The following BCO2 variants were observed in gnomAD, a reference collection of about 807,000 sequenced individuals.
BCO2 encodes beta-carotene oxygenase 2.
BCO2 carries 56 observed loss-of-function variants against 65.8 expected under a neutral mutation model. The ratio of observed to expected loss-of-function variants is 0.85; its 90% CI spans 0.69 to 1.06. BCO2 has a LOEUF of 1.06. Among genes scored for constraint, BCO2 ranks in the 50% least tolerant of loss-of-function variants. The pLI, the probability that BCO2 is intolerant of heterozygous loss-of-function variation, is 0.00. For synonymous variants in BCO2, 233 were observed against 242.3 expected (o/e 0.96, Z 0.36); for missense variants, 675 against 698.5 (o/e 0.97, Z 0.38).
In BCO2 at chr11:112,216,119, A is replaced by G; in HGVS notation, c.1516-101A>G. ...GAGCTTTGGAGGGGACACACATCCA[A>G]ACTACATCACAGCCAAATTCATGCT... On this transcript the variant is annotated intron_variant, in intron 10 of 11. Transcript: ENST00000357685. 9 of 794,708 alleles carry G rather than the reference A, an allele frequency of 1.1e-5. No individual in the cohort carries two copies. In the South Asian group the frequency reaches 1.4e-4, roughly 12 times the overall value. The allele number at this position is 794,708 out of a possible 1,614,324, so 49.2% of individuals were successfully genotyped here. A position where few individuals can be genotyped will look rare whatever the true frequency, so the allele number is the denominator to read the frequency against.
At chr11:112,187,469 C>G (rs1431365850) in intron 2 of BCO2, among the ~76,000 whole-genome samples, 1 of 151,294 alleles carries the variant, frequency 6.6e-6, no homozygotes, top group Non-Finnish European at 1.5e-5. Flanking sequence ...TGCCAGGAAT[C>G]TTTAGCAGTC....
At chr11:112,211,919 T>C (rs1341220516) in intron 8 of BCO2, among the ~76,000 whole-genome samples, 5 of 152,226 alleles carry the variant, frequency 3.3e-5, no homozygotes, top group African/African-American at 1.2e-4. Flanking sequence ...ATCCATATAA[T>C]GTAATCTACC....
intron 2 of BCO2, among the ~76,000 whole-genome samples, chr11:112,184,781 C>T (rs1440519892): frequency 6.6e-6 from 1 of 151,944 alleles, no homozygotes; most frequent in Non-Finnish European, 1.5e-5. Context: ...CTACCAATGA[C>T]CTGGTGTCCT....
rs370633203 is a variant in BCO2 at position 112,179,487 on chromosome 11, G to A, written c.293+5G>A. 6.2e-7 allele frequency: 1 copy of A among 1,612,920 alleles called. No individual in the cohort carries two copies. Among genetic ancestry groups the A allele is most frequent in the African/African-American group, 1.3e-5 (1 of 74,860 alleles). On this transcript the variant is annotated splice_donor_5th_base_variant and intron_variant, in intron 2 of 11. Transcript: ENST00000357685. ...ATTCGAGTTTGGGAAGGATAAGTAAGCCTTGATTTTGGAGAACAACTTGGA... is the reference window on the plus strand; with the variant it reads ...ATTCGAGTTTGGGAAGGATAAGTAAACCTTGATTTTGGAGAACAACTTGGA...
At chr11:112,202,630 A>G (rs1867764744) in intron 8 of BCO2, among the ~76,000 whole-genome samples, 1 of 152,196 alleles carries the variant, frequency 6.6e-6, no homozygotes, top group African/African-American at 2.4e-5. Flanking sequence ...AATGAGAGAG[A>G]GTAGTTTTAA....
At chr11:112,184,556 G>A (rs1018442122) in intron 2 of BCO2, among the ~76,000 whole-genome samples, 6 of 152,034 alleles carry the variant, frequency 3.9e-5, no homozygotes, top group African/African-American at 7.2e-5. Context: ...CCTGGCCTGG[G>A]AATGAGGAAT....
chr11:112,207,254 T>A (rs889948995), intron 8 of BCO2, among the ~76,000 whole-genome samples: 1 of 152,232 alleles, frequency 6.6e-6, no homozygotes, highest in Non-Finnish European at 1.5e-5. Flanking sequence ...TGAAAAATGT[T>A]TAATAATTCA....
rs755801031 is a variant in BCO2 at position 112,213,897 on chromosome 11, A to G, written c.1332+36A>G. On this transcript the variant is annotated intron_variant, in intron 9 of 11. Transcript: ENST00000357685. ...AACAGACATTAGACTAAGACTTTGA[A>G]CTTTAATGGTGTTACTTTATTCTTT... 3 of 1,401,216 alleles carry G rather than the reference A, an allele frequency of 2.1e-6. 1 individual carries two copies. The highest frequency in any genetic ancestry group is 2.9e-6 in the Non-Finnish European group (3 of 1,027,178). 86.8% of individuals were successfully genotyped at this position (1,401,216 alleles called of 1,614,324 possible). A position where few individuals can be genotyped will look rare whatever the true frequency, so the allele number is the denominator to read the frequency against.
intron 2 of BCO2, among the ~76,000 whole-genome samples, chr11:112,193,244 C>T (rs1326332399): frequency 2.0e-5 from 3 of 151,960 alleles, no homozygotes; most frequent in Admixed American, 2.0e-4. Context: ...TCCCAAAGTG[C>T]TGGGATTACA....
At chr11:112,207,690 T>A (rs1443075347) in intron 8 of BCO2, among the ~76,000 whole-genome samples, 1 of 152,218 alleles carries the variant, frequency 6.6e-6, no homozygotes, top group Middle Eastern at 3.2e-3. Context: ...CACAAAAATA[T>A]GGTCACATTT....
At chr11:112,208,560 T>TA in intron 8 of BCO2, 2 of 182,308 alleles carry the variant, frequency 1.1e-5, no homozygotes, top group Non-Finnish European at 2.3e-5. Flanking sequence ...GGCTGTAGAT[T>TA]AAAAAAATAT....
intron 1 of BCO2, chr11:112,176,211 A>G (rs562051689): frequency 6.5e-6 from 1 of 154,760 alleles, no homozygotes; most frequent in South Asian, 2.0e-4. Flanking sequence ...TAGTAATTTA[A>G]TGTTTGCAGT....
Position 112,193,533 on chromosome 11 carries a change from C to G in BCO2, c.353C>G (p.Thr118Arg), listed in dbSNP as rs1265870484. ...LLHQFRMAKG[T>R]VTYRSKFLQS... is the part of the protein sequence containing the mutation. ...CACCAGTTCAGAATGGCAAAGGGCA[C>G]AGTGACATACAGGAGCAAGTTTCTA... The change falls in exon 3 of 12, where the codon ACA (threonine) becomes AGA (arginine). Residue 118 changes from threonine (T) to arginine (R), a missense_variant. Physicochemically the swap from Thr to Arg is moderately conservative, Grantham distance 71. Coordinates refer to ENST00000357685, the MANE Select transcript of BCO2 (RefSeq NM_031938.7). The G allele has an allele frequency of 6.2e-7, 1 of 1,614,110 alleles. No individual in the cohort carries two copies. Among genetic ancestry groups the G allele is most frequent in the South Asian group, 1.1e-5 (1 of 91,066 alleles).
intron 2 of BCO2, among the ~76,000 whole-genome samples, chr11:112,192,002 T>C (rs975668038): frequency 2.0e-5 from 3 of 152,206 alleles, no homozygotes; most frequent in African/African-American, 7.2e-5. Context: ...CATCTCGTCA[T>C]GAAACAGATC....
chr11:112,198,923 A>C (rs937324152), intron 5 of BCO2, among the ~76,000 whole-genome samples: 9 of 151,508 alleles, frequency 5.9e-5, no homozygotes, highest in Non-Finnish European at 1.0e-4. Flanking sequence ...TACATATGAG[A>C]CAGGTCCATT....
intron 1 of BCO2, chr11:112,175,986 G>T: frequency 7.6e-6 from 2 of 264,836 alleles, no homozygotes; most frequent in Non-Finnish European, 1.4e-5. Context: ...CAATATTTAG[G>T]CTTTTCTAAA....
chr11:112,214,648 C>T (rs1388539268), intron 9 of BCO2, 114 bp from the exon 10 acceptor site: 2 of 732,534 alleles, frequency 2.7e-6, no homozygotes, highest in African/African-American at 1.8e-5. Context: ...CATAGAACCT[C>T]AGTTCCCAAG....
At chr11:112,204,856 G>A (rs1014318750) in intron 8 of BCO2, among the ~76,000 whole-genome samples, 6 of 152,074 alleles carry the variant, frequency 3.9e-5, no homozygotes, top group Admixed American at 1.3e-4. Context: ...GTAGAGATGG[G>A]GTTTTGTCAT....
At chr11:112,213,118 G>A (rs1278916895) in intron 8 of BCO2, among the ~76,000 whole-genome samples, 1 of 137,932 alleles carries the variant, frequency 7.2e-6, no homozygotes, top group Non-Finnish European at 1.6e-5. Flanking sequence ...TTTATTTGAT[G>A]CTAATTAAAT....
Sources: gnomAD v4.1 joint callset for allele counts (sites outside exome capture counted in the v4.1 genomes callset) on GRCh38, gnomAD v4.1.1 for gene constraint, MANE v1.5 for transcripts, NCBI Gene and HGNC (gene_info 2026-07-23, HGNC 2026-07-21) for gene names.